RIMS2: variants seen among roughly 807,000 people sequenced by gnomAD.
RIMS2 encodes regulating synaptic membrane exocytosis 2, also known as regulating synaptic membrane exocytosis protein 2.
RIMS2 carries 59 observed loss-of-function variants against 174.4 expected under a neutral mutation model. That is an observed-to-expected ratio of 0.34 (90% CI 0.27 to 0.42). RIMS2 has a LOEUF of 0.42. Among genes scored for constraint, RIMS2 ranks in the 10% least tolerant of loss-of-function variants. RIMS2 has a pLI of 1.00. For synonymous variants in RIMS2, 606 were observed against 572.5 expected, an observed-to-expected ratio of 1.06 and a Z score of -0.84; for missense variants, 1,620 against 1,666.3, an observed-to-expected ratio of 0.97 and a Z score of 0.48.
intron 21 of RIMS2, 78 bp downstream of exon 27, chr8:104,248,891 T>TTCTCTCTCTCTCTTTCTCTCTC (rs2099348781): frequency 3.2e-6 from 2 of 629,252 alleles, no homozygotes; most frequent in South Asian, 3.7e-5. Flanking sequence ...TCATAGAATC[T>TTCTCTCTCTCTCTTTCTCTCTC]TCTCTCTCTC....
In RIMS2 at chr8:103,667,003, A is replaced by G. The variant is rs577916773; in HGVS notation, c.177-30083A>G. Among the ~76,000 whole-genome samples, 10 of 152,340 alleles carry G rather than the reference A, an allele frequency of 6.6e-5. No homozygotes were observed. The South Asian group carries it at 1.7e-3, about 25-fold the overall frequency. ...ACATTTAAAACTTTTGAGAGAATACAGTGCACCAGGGAGATGACTATTATG... is the reference window on the plus strand; with the variant it reads ...ACATTTAAAACTTTTGAGAGAATACGGTGCACCAGGGAGATGACTATTATG... On this transcript the variant is annotated intron_variant, in intron 1 of 23. Coordinates refer to ENST00000504942, the Ensembl canonical transcript of RIMS2.
chr8:104,029,355 C>CA (rs1395978444), intron 19 of RIMS2, among the ~76,000 whole-genome samples: 1 of 152,134 alleles, frequency 6.6e-6, no homozygotes, highest in East Asian at 1.9e-4. Context: ...AGCCCCTATT[C>CA]AACATGCAGT....
intron 1 of RIMS2, among the ~76,000 whole-genome samples, chr8:103,542,604 A>G (rs145315262): frequency 3.8e-4 from 58 of 152,368 alleles, no homozygotes; most frequent in African/African-American, 1.3e-3. Context: ...CTTGATGAGC[A>G]TAGATGCAGA....
intron 1 of RIMS2, among the ~76,000 whole-genome samples, chr8:103,677,537 G>A (rs1315996422): frequency 6.6e-6 from 1 of 152,126 alleles, no homozygotes; most frequent in Non-Finnish European, 1.5e-5. Flanking sequence ...TTAAGAATCC[G>A]AGAGAGAACT....
chr8:104,043,871 A>T (rs888448625), intron 19 of RIMS2, among the ~76,000 whole-genome samples: 2 of 151,586 alleles, frequency 1.3e-5, no homozygotes, highest in African/African-American at 4.8e-5. Flanking sequence ...TCAGCTTGAT[A>T]GATATGTGAA....
chr8:103,691,424 G>T (rs2097023272), intron 1 of RIMS2, among the ~76,000 whole-genome samples: 1 of 151,986 alleles, frequency 6.6e-6, no homozygotes, highest in Non-Finnish European at 1.5e-5. Context: ...CTGTCTTCAA[G>T]GTCACTAATT....
intron 10 of RIMS2, among the ~76,000 whole-genome samples, chr8:103,923,784 A>G (rs2078190708): frequency 1.3e-5 from 2 of 151,778 alleles, no homozygotes; most frequent in Admixed American, 1.3e-4. Context: ...TATACTGCAT[A>G]TTTATTGTGG....
At chr8:104,031,139 A>C (rs1394667529) in intron 19 of RIMS2, among the ~76,000 whole-genome samples, 2 of 152,142 alleles carry the variant, frequency 1.3e-5, no homozygotes, top group Non-Finnish European at 2.9e-5. Context: ...TTTTTATCAA[A>C]ATAATATCTC....
At chr8:104,067,538 G>A (rs2097126662) in intron 19 of RIMS2, among the ~76,000 whole-genome samples, 2 of 150,846 alleles carry the variant, frequency 1.3e-5, no homozygotes. Context: ...CTATAAGCAT[G>A]TGTCACCACA....
At position 103,889,811 on chromosome 8, in the gene RIMS2, C is replaced by G. The variant is rs74647790; in HGVS notation, c.1624+3588C>G. On this transcript the variant is annotated intron_variant, in intron 4 of 23. Transcript: ENST00000504942. ...AATTTATAATAGATGTCATTTCATT[C>G]AGTATGTTCTGTTAAATGATGCTGC... Among the ~76,000 whole-genome samples the G allele has an allele frequency of 2.4e-3, 364 of 151,860 alleles. 2 individuals carry two copies. The highest frequency in any genetic ancestry group is 8.4e-3 in the African/African-American group (350 of 41,468).
intron 4 of RIMS2, among the ~76,000 whole-genome samples, chr8:103,903,846 T>A (rs1229314488): frequency 4.6e-5 from 7 of 152,168 alleles, no homozygotes; most frequent in Non-Finnish European, 8.8e-5. Flanking sequence ...ATTTTTACTT[T>A]GAAGTATTTA....
At chr8:104,044,640 A>G (rs373109148) in intron 19 of RIMS2, among the ~76,000 whole-genome samples, 1 of 151,770 alleles carries the variant, frequency 6.6e-6, no homozygotes, top group Non-Finnish European at 1.5e-5. Context: ...AGTTAACTAA[A>G]CATAATTTGA....
At chr8:103,986,607 T>A (rs1183648561) in intron 16 of RIMS2, among the ~76,000 whole-genome samples, 4 of 152,098 alleles carry the variant, frequency 2.6e-5, no homozygotes. Context: ...ATTTCTGAAA[T>A]TGATATAAAA....
chr8:104,156,784 A>C (rs1048707653), intron 19 of RIMS2, among the ~76,000 whole-genome samples: 3 of 152,194 alleles, frequency 2.0e-5, no homozygotes, highest in Non-Finnish European at 2.9e-5. Flanking sequence ...ATTGCTGGCC[A>C]ACTCACTGTA....
intron 19 of RIMS2, among the ~76,000 whole-genome samples, chr8:104,150,208 A>T (rs1218226965): frequency 6.6e-6 from 1 of 152,144 alleles, no homozygotes; most frequent in East Asian, 1.9e-4. Context: ...AAAGTCTACT[A>T]ATTTTTTTTA....
intron 4 of RIMS2, among the ~76,000 whole-genome samples, chr8:103,909,225 A>G (rs1222331524): frequency 2.6e-5 from 4 of 152,142 alleles, no homozygotes; most frequent in Non-Finnish European, 5.9e-5. Context: ...TACATACCAA[A>G]TGGAAGGTGT....
At chr8:104,018,416 A>T (rs962789753) in intron 19 of RIMS2, among the ~76,000 whole-genome samples, 6 of 152,198 alleles carry the variant, frequency 3.9e-5, no homozygotes, top group African/African-American at 1.4e-4. Context: ...CTTTAAGATA[A>T]ATTACCTCAT....
At chr8:103,517,782 A>C (rs1184180804) in intron 1 of RIMS2, among the ~76,000 whole-genome samples, 2 of 152,084 alleles carry the variant, frequency 1.3e-5, no homozygotes, top group Non-Finnish European at 2.9e-5. Context: ...GTCCTGAGGC[A>C]CAGTGCTTTC....
chr8:103,954,961 A>C (rs925811924), intron 14 of RIMS2, among the ~76,000 whole-genome samples: 29 of 152,230 alleles, frequency 1.9e-4, no homozygotes, highest in African/African-American at 7.0e-4. Context: ...ATCAGAGAAT[A>C]CTATAAACAC....
Sources: gnomAD v4.1 joint callset for allele counts (sites outside exome capture counted in the v4.1 genomes callset) on GRCh38, gnomAD v4.1.1 for gene constraint, MANE v1.5 for transcripts, NCBI Gene and HGNC (gene_info 2026-07-23, HGNC 2026-07-21) for gene names.